The following PTPRT variants were observed in gnomAD, a reference collection of about 807,000 sequenced individuals.
PTPRT encodes the protein receptor-type tyrosine-protein phosphatase T.
PTPRT carries 56 observed loss-of-function variants against 176.8 expected under a neutral mutation model. The observed-to-expected ratio is 0.32, with a 90% confidence interval of 0.26 to 0.40. PTPRT has a LOEUF of 0.40. Ranked by LOEUF, PTPRT falls within the 10% of genes least tolerant of loss-of-function variation. PTPRT has a pLI of 1.00. For synonymous variants in PTPRT, 783 were observed against 739.0 expected (o/e 1.06, Z -0.96); for missense variants, 1,540 against 1,908.2 (o/e 0.81, Z 3.60).
intron 19 of PTPRT, among the ~76,000 whole-genome samples, chr20:42,121,099 G>A (rs1410130303): frequency 6.6e-6 from 1 of 152,176 alleles, no homozygotes; most frequent in African/African-American, 2.4e-5. Flanking sequence ...ATGGTTTATG[G>A]TGCCACAGAT....
chr20:42,472,208 G>T, intron 8 of PTPRT, 58 bp downstream of exon 8: 1 of 1,546,654 alleles, frequency 6.5e-7, no homozygotes, highest in Middle Eastern at 1.7e-4. Context: ...TGACTGCCAT[G>T]GCCCTGTGAA....
chr20:42,668,136 G>T (rs2075349128), intron 7 of PTPRT, among the ~76,000 whole-genome samples: 1 of 152,074 alleles, frequency 6.6e-6, no homozygotes, highest in Non-Finnish European at 1.5e-5. Flanking sequence ...AGTAGGTGGT[G>T]GGGGGAAAGA....
intron 1 of PTPRT, among the ~76,000 whole-genome samples, chr20:43,109,905 G>A (rs918432433): frequency 6.6e-6 from 1 of 152,156 alleles, no homozygotes. Context: ...AGAGTGGGGA[G>A]AGACAGGAGG....
intron 1 of PTPRT, among the ~76,000 whole-genome samples, chr20:43,013,977 C>T (rs753396082): frequency 2.6e-5 from 4 of 152,104 alleles, no homozygotes; most frequent in East Asian, 1.9e-4. Context: ...CATAATAAGG[C>T]GAGGTCACTT....
At chr20:42,583,401 G>T (rs1331341558) in intron 7 of PTPRT, among the ~76,000 whole-genome samples, 1 of 152,152 alleles carries the variant, frequency 6.6e-6, no homozygotes, top group South Asian at 2.1e-4. Flanking sequence ...AGAGCTGCAG[G>T]AAAATTCTGT....
intron 7 of PTPRT, among the ~76,000 whole-genome samples, chr20:42,644,653 C>T (rs954537477): frequency 2.0e-5 from 3 of 152,084 alleles, no homozygotes; most frequent in Admixed American, 1.3e-4. Context: ...AGTCCAGAGA[C>T]TCAGCAAAGT....
intron 19 of PTPRT, among the ~76,000 whole-genome samples, chr20:42,127,076 G>T (rs1369519039): frequency 6.6e-6 from 1 of 152,238 alleles, no homozygotes; most frequent in Non-Finnish European, 1.5e-5. Flanking sequence ...GGTTACACAA[G>T]TGATGGAGGA....
chr20:42,263,234 T>A (rs2056780880), intron 13 of PTPRT, among the ~76,000 whole-genome samples: 1 of 152,072 alleles, frequency 6.6e-6, no homozygotes, highest in African/African-American at 2.4e-5. Flanking sequence ...CTTTTCTTTT[T>A]TTTGAGACTG....
chr20:42,146,681 C>A (rs1266825443), intron 17 of PTPRT, among the ~76,000 whole-genome samples: 2 of 151,956 alleles, frequency 1.3e-5, no homozygotes, highest in African/African-American at 4.8e-5. Flanking sequence ...TGGGTTTGTC[C>A]CCTCCAATCC....
intron 1 of PTPRT, among the ~76,000 whole-genome samples, chr20:42,893,632 C>A (rs913964401): frequency 6.6e-6 from 1 of 151,910 alleles, no homozygotes; most frequent in African/African-American, 2.4e-5. Context: ...CAACGATAGA[C>A]TGGATTAAGG....
rs563711847 is a variant in PTPRT at position 42,409,430 on chromosome 20, C to T, written c.1560+38790G>A. 2.2e-4 allele frequency among the ~76,000 whole-genome samples: 29 copies of T among 130,726 alleles called. No individual in the cohort carries two copies. In the East Asian group the frequency reaches 3.5e-3, roughly 16 times the overall value. 85.8% of individuals were successfully genotyped at this position (130,726 alleles called of 152,430 possible). ...CCGGGAGGTGGAAGTTGCAGTGAGC[C>T]GAGATCGTGCCACTGTACTCCAGCC... is the stretch of plus-strand genomic sequence containing the variant. On this transcript the variant is annotated intron_variant, in intron 9 of 30. Transcript: ENST00000373187.
At chr20:42,556,179 T>C (rs1344086326) in intron 7 of PTPRT, among the ~76,000 whole-genome samples, 1 of 152,110 alleles carries the variant, frequency 6.6e-6, no homozygotes, top group Non-Finnish European at 1.5e-5. Flanking sequence ...ACCCACAGGG[T>C]CAGCAATATT....
chr20:43,034,172 G>A (rs138698291), intron 1 of PTPRT, among the ~76,000 whole-genome samples: 3 of 152,322 alleles, frequency 2.0e-5, no homozygotes, highest in African/African-American at 7.2e-5. Flanking sequence ...ATCCAAGGAA[G>A]TCCCAGATGG....
At chr20:42,726,172 C>A (rs1430695268) in intron 6 of PTPRT, among the ~76,000 whole-genome samples, 1 of 151,674 alleles carries the variant, frequency 6.6e-6, no homozygotes, top group African/African-American at 2.4e-5. Flanking sequence ...CTCTGCGTCC[C>A]AGGTTCAAGC....
intron 1 of PTPRT, among the ~76,000 whole-genome samples, chr20:43,049,602 T>A (rs138137756): frequency 1.0e-3 from 157 of 152,356 alleles, no homozygotes; most frequent in Non-Finnish European, 1.9e-3. Flanking sequence ...GCTGAGCCTA[T>A]GTGACCAGAC....
chr20:42,090,441 G>A (rs1299870901), intron 27 of PTPRT, among the ~76,000 whole-genome samples: 1 of 151,860 alleles, frequency 6.6e-6, no homozygotes, highest in Non-Finnish European at 1.5e-5. Context: ...GATAAAAGAG[G>A]AAGGTTGAGA....
intron 8 of PTPRT, among the ~76,000 whole-genome samples, chr20:42,453,205 A>T (rs1178204176): frequency 6.6e-6 from 1 of 152,318 alleles, no homozygotes; most frequent in East Asian, 1.9e-4. Context: ...AACATATTTC[A>T]TCACAATTTT....
intron 2 of PTPRT, among the ~76,000 whole-genome samples, chr20:42,800,554 T>C (rs1383006750): frequency 1.3e-5 from 2 of 152,134 alleles, no homozygotes; most frequent in Non-Finnish European, 1.5e-5. Context: ...GGAACTAAAA[T>C]ATATATATTT....
the PTPRT span, among the ~76,000 whole-genome samples, chr20:42,054,218 G>A: frequency 6.6e-6 from 1 of 152,178 alleles, no homozygotes; most frequent in Admixed American, 6.5e-5. Context: ...GGTTTAGGAG[G>A]AGTCCAGAGT....
Sources: gnomAD v4.1 joint callset for allele counts (sites outside exome capture counted in the v4.1 genomes callset) on GRCh38, gnomAD v4.1.1 for gene constraint, MANE v1.5 for transcripts, NCBI Gene and HGNC (gene_info 2026-07-23, HGNC 2026-07-21) for gene names.